The following DRC1 variants were observed in gnomAD, a reference collection of about 807,000 sequenced individuals.
DRC1 encodes the protein dynein regulatory complex subunit 1.
Under a neutral mutation model 98.7 loss-of-function variants are expected in DRC1, and 74 were observed. That is an observed-to-expected ratio of 0.75 (90% CI 0.62 to 0.91). The LOEUF (loss-of-function observed/expected upper bound fraction) is 0.91, where lower values mean the gene tolerates loss of function less well. Ranked by LOEUF, DRC1 falls within the 40% of genes least tolerant of loss-of-function variation. The pLI, the probability that DRC1 is intolerant of heterozygous loss-of-function variation, is 0.00. For synonymous variants in DRC1, 336 were observed against 334.1 expected (o/e 1.01, Z -0.06); for missense variants, 875 against 886.0 (o/e 0.99, Z 0.16).
chr2:26,432,436 C>T (rs557816837), intron 7 of DRC1, among the ~76,000 whole-genome samples: 147 of 151,788 alleles, frequency 9.7e-4, no homozygotes, highest in African/African-American at 3.4e-3. Flanking sequence ...GAGTTTAAGG[C>T]TATAGTGAGC....
intron 1 of DRC1, among the ~76,000 whole-genome samples, chr2:26,407,652 C>G (rs1678469510): frequency 6.6e-6 from 1 of 152,070 alleles, no homozygotes; most frequent in Non-Finnish European, 1.5e-5. Context: ...CGTCCGACCA[C>G]CCGGCACCCT....
chr2:26,418,316 A>T (rs72852764), intron 2 of DRC1, among the ~76,000 whole-genome samples: 4,563 of 151,160 alleles, frequency 0.03, 205 homozygotes, highest in African/African-American at 0.098. Flanking sequence ...TGGAGCTTGG[A>T]TGTGCAGTTG....
chr2:26,405,092 T>C, intron 1 of DRC1, among the ~76,000 whole-genome samples: 1 of 152,160 alleles, frequency 6.6e-6, no homozygotes, highest in East Asian at 1.9e-4. Context: ...CTTCAGTCAA[T>C]AGATTCTGGC....
At chr2:26,437,329 A>G (rs986945410) in intron 7 of DRC1, among the ~76,000 whole-genome samples, 20 of 152,240 alleles carry the variant, frequency 1.3e-4, no homozygotes, top group African/African-American at 4.8e-4. Context: ...CCTTTGGGAT[A>G]CTGTTCAACT....
At chr2:26,424,859 G>A (rs1349808103) in intron 4 of DRC1, among the ~76,000 whole-genome samples, 3 of 152,158 alleles carry the variant, frequency 2.0e-5, no homozygotes, top group African/African-American at 7.2e-5. Flanking sequence ...GGCTGAGGCA[G>A]GAGGGTCGCC....
Position 26,432,150 on chromosome 2 carries a change from A to T in DRC1, c.888+144A>T. On this transcript the variant is annotated intron_variant, in intron 7 of 16. Coordinates refer to ENST00000288710, the MANE Select transcript of DRC1 (RefSeq NM_145038.5). ...TTTATTAATCATCTGCCTTCTTTTA[A>T]ATGTTCATATCTGAAGGAGCTCATG... The T allele has an allele frequency of 2.3e-6, 3 of 1,308,202 alleles. No homozygotes were observed. In the Admixed American group the frequency reaches 8.4e-5, roughly 37 times the overall value. 81.0% of individuals were successfully genotyped at this position (1,308,202 alleles called of 1,614,324 possible).
rs1572388280 is a variant in DRC1 at position 26,454,077 on chromosome 2, A to G, written c.1919+528A>G. On this transcript the variant is annotated intron_variant, in intron 14 of 16. Coordinates refer to ENST00000288710, the MANE Select transcript of DRC1 (RefSeq NM_145038.5). This position sits in a 1 kb window ranked among gnomAD's most constrained non-coding sequence, Gnocchi z 5.2. ...TGGGAGGTGGCACTGGTGGGTGGGG[A>G]GCTAGCCAGGTCTTGGAGAGCCTTG... Among the ~76,000 whole-genome samples the G allele has an allele frequency of 6.6e-6, 1 of 152,044 alleles. No individual in the cohort carries two copies. The highest frequency in any genetic ancestry group is 1.5e-5 in the Non-Finnish European group (1 of 67,998).
At chr2:26,418,566 AATAT>A (rs1275505102) in intron 2 of DRC1, among the ~76,000 whole-genome samples, 5 of 106,026 alleles carry the variant, frequency 4.7e-5, no homozygotes, top group African/African-American at 8.9e-5. Context: ...ATTTATATAT[AATAT>A]ATATTATATA....
intron 1 of DRC1, among the ~76,000 whole-genome samples, chr2:26,410,076 G>A (rs6729941): frequency 0.12 from 17,605 of 150,820 alleles, 2,186 homozygotes; most frequent in African/African-American, 0.32. Flanking sequence ...TGGCAACCAC[G>A]AAACAAGAAT....
Position 26,440,484 on chromosome 2 carries a change from T to C in DRC1, c.995T>C (p.Val332Ala), listed in dbSNP as rs767248627. The change falls in exon 8 of 17, where the codon GTA (valine) becomes GCA (alanine). Residue 332 changes from valine (V) to alanine (A), a missense_variant. Physicochemically the swap from Val to Ala is moderately conservative, Grantham distance 64. Transcript: ENST00000288710. ...AAGAAGAGAGATGAAGAAAGCACAGTAATTAAATCCCAGCAGAAGAGGAAG... is the reference window on the plus strand; with the variant it reads ...AAGAAGAGAGATGAAGAAAGCACAGCAATTAAATCCCAGCAGAAGAGGAAG... ...VLKKRDEEST[V>A]IKSQQKRKIN... 19 of 1,612,806 alleles carry C rather than the reference T, an allele frequency of 1.2e-5. No individual in the cohort carries two copies. Among genetic ancestry groups the C allele is most frequent in the South Asian group, 2.2e-5 (2 of 90,890 alleles).
intron 3 of DRC1, among the ~76,000 whole-genome samples, chr2:26,423,818 A>G (rs1436230039): frequency 6.6e-6 from 1 of 152,212 alleles, no homozygotes; most frequent in East Asian, 1.9e-4. Flanking sequence ...CATCCACGCC[A>G]TTTTACAGAA....
rs1664113280 is a variant in DRC1, at chr2:26,455,197, G to A, written c.2130G>A (p.Glu710=). 11 of 1,614,032 alleles carry A rather than the reference G, an allele frequency of 6.8e-6. No individual in the cohort carries two copies. Among genetic ancestry groups the A allele is most frequent in the Non-Finnish European group, 9.3e-6 (11 of 1,180,030 alleles). ...ENSSLEQQNT[E]LQALLQQYLN... ...GTTCTCTGGAGCAGCAGAACACAGA[G>A]CTGCAGGCGCTACTGCAGCAGTATC... The change falls in exon 16 of 17, where the codon GAG becomes GAA. Residue 710 remains glutamate (E), a synonymous_variant. Coordinates refer to ENST00000288710, the MANE Select transcript of DRC1 (RefSeq NM_145038.5).
At chr2:26,432,693 C>T (rs969366968) in intron 7 of DRC1, among the ~76,000 whole-genome samples, 9 of 152,132 alleles carry the variant, frequency 5.9e-5, no homozygotes, top group Non-Finnish European at 1.3e-4. Context: ...AAAAATGTCC[C>T]TAGGCCACTT....
At chr2:26,424,595 A>G (rs1246578390) in intron 4 of DRC1, 141 bp downstream of exon 4, 3 of 875,306 alleles carry the variant, frequency 3.4e-6, no homozygotes, top group Non-Finnish European at 5.0e-6. Context: ...CATGTTATAA[A>G]CTTTTTTCCA....
At chr2:26,407,124 G>C (rs970050422) in intron 1 of DRC1, among the ~76,000 whole-genome samples, 1 of 152,046 alleles carries the variant, frequency 6.6e-6, no homozygotes, top group African/African-American at 2.4e-5. Flanking sequence ...CCAGCCGGGA[G>C]ATGTCACTTC....
chr2:26,418,602 A>G (rs1427613700), intron 2 of DRC1, among the ~76,000 whole-genome samples: 2 of 91,952 alleles, frequency 2.2e-5, no homozygotes, highest in Admixed American at 1.6e-4. Context: ...TAATTTATAT[A>G]ATATATAAAT....
rs75875087 is a variant in DRC1 at position 26,414,618 on chromosome 2, G to A, written c.243+187G>A. The stretch of plus-strand genomic sequence containing the variant: ...TCAGATGACAGTTTCTTATATTTAC[G>A]CTGTCTCTTCTCTGCTCATGCACTT... On this transcript the variant is annotated intron_variant, in intron 2 of 16. Transcript: ENST00000288710. Among the ~76,000 whole-genome samples, 312 of 152,234 alleles carry A rather than the reference G, an allele frequency of 2.0e-3. 6 individuals carry two copies. The East Asian group carries it at 0.038, about 19-fold the overall frequency.
At chr2:26,452,420 C>T (rs988426707) in intron 13 of DRC1, among the ~76,000 whole-genome samples, 18 of 152,122 alleles carry the variant, frequency 1.2e-4, no homozygotes, top group African/African-American at 2.9e-4. Flanking sequence ...CCACCACGCC[C>T]GGCTAATTTT....
Position 26,448,751 on chromosome 2 carries a change from A to C in DRC1, c.1457A>C (p.Gln486Pro), listed in dbSNP as rs1460399677. 1 of 1,614,248 alleles carries C rather than the reference A, an allele frequency of 6.2e-7. No homozygotes were observed. Among genetic ancestry groups the C allele is most frequent in the Non-Finnish European group, 8.5e-7 (1 of 1,180,038 alleles). Residue 486 changes from glutamine (Q) to proline (P), a missense_variant, in exon 11 of 17, where the codon CAA becomes CCA. Coordinates refer to ENST00000288710, the MANE Select transcript of DRC1 (RefSeq NM_145038.5). ...GAGTCCTACCTGGATTTGCCGAAGCAAATTTCTGAAAAAACTACCAAGAGG... is the reference window on the plus strand; with the variant it reads ...GAGTCCTACCTGGATTTGCCGAAGCCAATTTCTGAAAAAACTACCAAGAGG... Reference protein sequence around the residue: ...EPESYLDLPKQISEKTTKRIL... With the variant: ...EPESYLDLPKPISEKTTKRIL...
Sources: allele counts gnomAD v4.1 joint callset (sites outside exome capture counted in the v4.1 genomes callset), GRCh38; gene constraint gnomAD v4.1.1; non-coding constraint Gnocchi (gnomAD v3.1); transcripts MANE v1.5; gene names NCBI Gene and HGNC (gene_info 2026-07-23, HGNC 2026-07-21).